Variants in COMMD1 observed in about 807,000 individuals in gnomAD.
COMMD1 encodes the protein COMM domain-containing protein 1.
In COMMD1, 10 loss-of-function variants were observed where a neutral mutation model predicts 17.2. The ratio of observed to expected loss-of-function variants is 0.58; its 90% CI spans 0.36 to 0.99. The LOEUF (loss-of-function observed/expected upper bound fraction) is 0.99. COMMD1 is among the 50% of genes least tolerant of loss of function. The pLI is 0.01. For synonymous variants in COMMD1, 97 were observed against 91.6 expected, an observed-to-expected ratio of 1.06 and a Z score of -0.34; for missense variants, 270 against 231.8, an observed-to-expected ratio of 1.17 and a Z score of -1.07.
intron 2 of COMMD1, among the ~76,000 whole-genome samples, chr2:62,042,596 G>T (rs1460311322): frequency 6.6e-6 from 1 of 152,106 alleles, no homozygotes; most frequent in Non-Finnish European, 1.5e-5. Context: ...GCTCCCGCCC[G>T]TGCCTCTCCC....
At position 62,133,710 on chromosome 2, in the gene COMMD1, C is replaced by G. The variant is rs1391331341; in HGVS notation, c.463-2121C>G. ...TATGGGAATTAAGTATATGGTGAAT[C>G]TAATAGTAGATAAGAGTTATTTTAC... is the stretch of plus-strand genomic sequence containing the variant. On this transcript the variant is annotated intron_variant, in intron 2 of 2. Coordinates refer to ENST00000311832, the MANE Select transcript of COMMD1 (RefSeq NM_152516.4). 5.9e-5 allele frequency among the ~76,000 whole-genome samples: 9 copies of G among 152,208 alleles called. No individual in the cohort carries two copies. The East Asian group carries it at 1.7e-3, about 29-fold the overall frequency.
intron 2 of COMMD1, among the ~76,000 whole-genome samples, chr2:62,034,267 C>T (rs529929082): frequency 1.3e-5 from 2 of 151,828 alleles, no homozygotes; most frequent in Non-Finnish European, 1.5e-5. Flanking sequence ...TTTGGGAGGC[C>T]GAGGTGGGTG....
At chr2:62,096,388 A>G (rs1672011819) in intron 2 of COMMD1, among the ~76,000 whole-genome samples, 2 of 152,328 alleles carry the variant, frequency 1.3e-5, no homozygotes, top group African/African-American at 2.4e-5. Context: ...ACAAGTCACC[A>G]TGTTTTTGAG....
intron 1 of COMMD1, among the ~76,000 whole-genome samples, chr2:61,890,450 C>T (rs1669400683): frequency 6.6e-6 from 1 of 152,104 alleles, no homozygotes; most frequent in South Asian, 2.1e-4. Flanking sequence ...AACTCCCGAG[C>T]TCAGGTGATA....
At chr2:62,044,975 T>G (rs566520859) in intron 2 of COMMD1, among the ~76,000 whole-genome samples, 1 of 152,354 alleles carries the variant, frequency 6.6e-6, no homozygotes, top group South Asian at 2.1e-4. Flanking sequence ...GGTTCTTCCC[T>G]GCCTGCTGCA....
At chr2:62,068,506 T>C (rs1184162144) in intron 2 of COMMD1, among the ~76,000 whole-genome samples, 1 of 151,978 alleles carries the variant, frequency 6.6e-6, no homozygotes, top group Non-Finnish European at 1.5e-5. Flanking sequence ...TCTGCTGGAG[T>C]TCAAAATGAC....
chr2:62,122,439 C>CTTTCTTT (rs1558608550), intron 2 of COMMD1, among the ~76,000 whole-genome samples: 6 of 136,582 alleles, frequency 4.4e-5, no homozygotes, highest in African/African-American at 9.1e-5. Context: ...AAGTTTCTTT[C>CTTTCTTT]TTTTCTTTTT....
At chr2:62,068,317 C>A (rs1360173880) in intron 2 of COMMD1, among the ~76,000 whole-genome samples, 1 of 152,190 alleles carries the variant, frequency 6.6e-6, no homozygotes, top group Non-Finnish European at 1.5e-5. Flanking sequence ...AAACCTCTCC[C>A]AGATATTTTC....
chr2:61,900,668 T>A (rs1669638085), upstream of COMMD1, among the ~76,000 whole-genome samples: 1 of 152,100 alleles, frequency 6.6e-6, no homozygotes, highest in African/African-American at 2.4e-5. Context: ...TTCTCTGGGG[T>A]CCCCTTGGCC....
intron 2 of COMMD1, among the ~76,000 whole-genome samples, chr2:62,036,242 C>T (rs931979979): frequency 6.6e-6 from 1 of 152,168 alleles, no homozygotes. Flanking sequence ...ATCTTTCACA[C>T]TGACAAGTTA....
intron 2 of COMMD1, among the ~76,000 whole-genome samples, chr2:62,063,147 G>A (rs1372558908): frequency 6.6e-6 from 1 of 152,138 alleles, no homozygotes; most frequent in Non-Finnish European, 1.5e-5. Context: ...AACCCAGGAG[G>A]CGGAGATTGC....
rs531232507 is a variant in COMMD1, at chr2:61,997,034, A to G, written c.181-3667A>G. Among the ~76,000 whole-genome samples, 5 of 151,320 alleles carry G rather than the reference A, an allele frequency of 3.3e-5. No homozygotes were observed. In the South Asian group the frequency reaches 1.0e-3, roughly 31 times the overall value. ...AGTAATCACTGTCTATGGCAGCTAT[A>G]GCCTTACAAAATGTATTTCTTTCTT... On this transcript the variant is annotated intron_variant, in intron 1 of 2. Transcript: ENST00000311832.
At chr2:62,004,060 G>A (rs1354443370) in intron 2 of COMMD1, among the ~76,000 whole-genome samples, 2 of 152,068 alleles carry the variant, frequency 1.3e-5, no homozygotes, top group East Asian at 1.9e-4. Flanking sequence ...CCCGGAAGGC[G>A]GAGGTTGCAG....
At chr2:62,059,912 C>G (rs1670810767) in intron 2 of COMMD1, among the ~76,000 whole-genome samples, 1 of 152,024 alleles carries the variant, frequency 6.6e-6, no homozygotes, top group Non-Finnish European at 1.5e-5. Flanking sequence ...TCCTGTTTAT[C>G]CTTTTTTACT....
intron 1 of COMMD1, among the ~76,000 whole-genome samples, chr2:61,933,749 G>A (rs1670529863): frequency 1.3e-5 from 2 of 149,488 alleles, no homozygotes; most frequent in South Asian, 2.1e-4. Flanking sequence ...AAGACAACAA[G>A]CAACTTTTGT....
intron 2 of COMMD1, among the ~76,000 whole-genome samples, chr2:62,007,271 A>C (rs1325372360): frequency 2.0e-5 from 3 of 151,888 alleles, no homozygotes; most frequent in Non-Finnish European, 4.4e-5. Flanking sequence ...TTTTTAACCA[A>C]CTCATATGCT....
chr2:62,040,426 AT>A (rs896423010), intron 2 of COMMD1, among the ~76,000 whole-genome samples: 2 of 152,196 alleles, frequency 1.3e-5, no homozygotes, highest in African/African-American at 4.8e-5. Context: ...GTGAAAAATC[AT>A]TTATAAAATA....
At chr2:62,058,068 A>C (rs1670758197) in intron 2 of COMMD1, among the ~76,000 whole-genome samples, 1 of 152,152 alleles carries the variant, frequency 6.6e-6, no homozygotes, top group Non-Finnish European at 1.5e-5. Flanking sequence ...TTATGCTCAG[A>C]GAACATACTC....
At chr2:62,003,108 C>T (rs539847808) in intron 2 of COMMD1, among the ~76,000 whole-genome samples, 4 of 152,022 alleles carry the variant, frequency 2.6e-5, no homozygotes, top group Non-Finnish European at 5.9e-5. Flanking sequence ...TGGCAGGCAC[C>T]TGTAATCCTA....
Sources: allele counts gnomAD v4.1 joint callset (sites outside exome capture counted in the v4.1 genomes callset), GRCh38; gene constraint gnomAD v4.1.1; transcripts MANE v1.5; gene names NCBI Gene and HGNC (gene_info 2026-07-23, HGNC 2026-07-21).